Variants in EYS observed in about 807,000 individuals in gnomAD.
EYS encodes the protein protein eyes shut homolog.
In EYS, 250 loss-of-function variants were observed where a neutral mutation model predicts 282.1. The observed-to-expected ratio is 0.89, with a 90% CI of 0.80 to 0.98. EYS has a LOEUF of 0.98. Among genes scored for constraint, EYS ranks in the 50% least tolerant of loss-of-function variants. The pLI is 0.00. For missense variants in EYS, 4,016 were observed against 3,709.0 expected (o/e 1.08, Z -2.15); for synonymous variants, 1,355 against 1,282.9 (o/e 1.06, Z -1.20).
intron 26 of EYS, among the ~76,000 whole-genome samples, chr6:64,538,348 A>C (rs1173978979): frequency 1.3e-5 from 2 of 152,206 alleles, no homozygotes; most frequent in Non-Finnish European, 2.9e-5. Context: ...AACTTTTAAT[A>C]ACTTTGATTT....
At chr6:65,554,515 A>T (rs1162181016) in intron 2 of EYS, among the ~76,000 whole-genome samples, 3 of 151,658 alleles carry the variant, frequency 2.0e-5, no homozygotes, top group Non-Finnish European at 4.4e-5. Flanking sequence ...CTATATGTTC[A>T]CTCTATTACA....
At chr6:65,557,084 T>C (rs1414102724) in intron 2 of EYS, among the ~76,000 whole-genome samples, 1 of 152,198 alleles carries the variant, frequency 6.6e-6, no homozygotes, top group Non-Finnish European at 1.5e-5. Flanking sequence ...TTGTTGATAT[T>C]CCAAAGTAAA....
intron 28 of EYS, among the ~76,000 whole-genome samples, chr6:64,415,914 G>A (rs554742313): frequency 3.9e-5 from 6 of 152,172 alleles, no homozygotes; most frequent in Non-Finnish European, 8.8e-5. Flanking sequence ...AAAGCAAGCT[G>A]AAGTTTCTAA....
chr6:63,755,157 G>C (rs550928060), intron 41 of EYS, among the ~76,000 whole-genome samples: 2 of 152,262 alleles, frequency 1.3e-5, no homozygotes, highest in Admixed American at 1.3e-4. Context: ...TCACTCTGAT[G>C]ATAGTTTCTT....
intron 12 of EYS, among the ~76,000 whole-genome samples, chr6:65,184,009 T>C (rs1042946853): frequency 3.3e-5 from 5 of 149,426 alleles, no homozygotes; most frequent in Non-Finnish European, 7.4e-5. Flanking sequence ...AATTATATCA[T>C]TTGACTAAAG....
chr6:64,334,203 T>C (rs901361743), intron 29 of EYS, among the ~76,000 whole-genome samples: 2 of 152,172 alleles, frequency 1.3e-5, no homozygotes, highest in African/African-American at 4.8e-5. Context: ...ACCAATTAGA[T>C]GCTCCAACTG....
intron 35 of EYS, among the ~76,000 whole-genome samples, chr6:63,877,184 G>T (rs563388125): frequency 6.6e-6 from 1 of 152,224 alleles, no homozygotes; most frequent in Admixed American, 6.5e-5. Flanking sequence ...AAATCTCTCA[G>T]CATTTGCTTG....
intron 19 of EYS, among the ~76,000 whole-genome samples, chr6:64,861,789 C>T (rs1052264867): frequency 6.6e-6 from 1 of 152,162 alleles, no homozygotes; most frequent in African/African-American, 2.4e-5. Context: ...TACATCTTTG[C>T]TATTATTAAC....
intron 12 of EYS, among the ~76,000 whole-genome samples, chr6:65,274,899 C>CA (rs1187339138): frequency 1.1e-5 from 1 of 94,330 alleles, no homozygotes; most frequent in Non-Finnish European, 2.1e-5. Context: ...CTCCTACAGC[C>CA]AAAAAAAAAG....
chr6:64,944,880 A>G (rs1453059305), intron 15 of EYS, among the ~76,000 whole-genome samples: 1 of 152,126 alleles, frequency 6.6e-6, no homozygotes, highest in Non-Finnish European at 1.5e-5. Context: ...GGAGAGAAAC[A>G]TAAATCTGGC....
chr6:64,707,758 T>G (rs532360507), intron 22 of EYS, among the ~76,000 whole-genome samples: 58 of 151,640 alleles, frequency 3.8e-4, no homozygotes, highest in Non-Finnish European at 6.0e-4. Context: ...CACTTATTTA[T>G]GTAACCAAAT....
At chr6:64,376,452 G>C (rs1293182633) in intron 29 of EYS, among the ~76,000 whole-genome samples, 1 of 152,164 alleles carries the variant, frequency 6.6e-6, no homozygotes, top group Non-Finnish European at 1.5e-5. Flanking sequence ...AATAAAAGGA[G>C]GCTGAAGAAT....
At chr6:64,589,351 C>T (rs931450430) in intron 26 of EYS, among the ~76,000 whole-genome samples, 1 of 151,986 alleles carries the variant, frequency 6.6e-6, no homozygotes, top group Non-Finnish European at 1.5e-5. Context: ...AGCAAAAACA[C>T]ACAACCATAC....
chr6:65,620,024 T>C (rs1562293228), intron 2 of EYS, among the ~76,000 whole-genome samples: 1 of 152,142 alleles, frequency 6.6e-6, no homozygotes, highest in Non-Finnish European at 1.5e-5. Flanking sequence ...TCTTTTTATG[T>C]TGTGTCTCTG....
chr6:63,723,867 G>C (rs1768510056), intron 42 of EYS, among the ~76,000 whole-genome samples: 1 of 150,980 alleles, frequency 6.6e-6, no homozygotes, highest in Non-Finnish European at 1.5e-5. Context: ...TGTCCCCCAA[G>C]CTGGAGTGCA....
chr6:64,178,558 T>C (rs1764699941), intron 31 of EYS, among the ~76,000 whole-genome samples: 1 of 152,000 alleles, frequency 6.6e-6, no homozygotes, highest in South Asian at 2.1e-4. Flanking sequence ...TGATAGACTT[T>C]AGCACTGTGC....
At chr6:65,349,051 A>AT (rs1214235679) in intron 9 of EYS, among the ~76,000 whole-genome samples, 12 of 151,468 alleles carry the variant, frequency 7.9e-5, no homozygotes, top group South Asian at 2.1e-4. Flanking sequence ...AACAAGTCGA[A>AT]TTTTTTTTCA....
chr6:65,249,883 A>T (rs774579963), intron 12 of EYS, among the ~76,000 whole-genome samples: 22 of 152,162 alleles, frequency 1.4e-4, no homozygotes, highest in Non-Finnish European at 2.9e-4. Flanking sequence ...GCAGCAAAAA[A>T]GGTTAATAAC....
Position 64,591,942 on chromosome 6 carries a change from C to T in EYS, c.3925G>A (p.Gly1309Ser), listed in dbSNP as rs1469939219. 2 of 1,530,092 alleles carry T rather than the reference C, an allele frequency of 1.3e-6. No individual in the cohort carries two copies. The highest frequency in any genetic ancestry group is 2.8e-5 in the African/African-American group (2 of 72,358). The allele number at this position is 1,530,092 out of a possible 1,614,324, so 94.8% of individuals were successfully genotyped here. A position where few individuals can be genotyped will look rare whatever the true frequency, so the allele number is the denominator to read the frequency against. ...GTGCTAATTCTTAATGTTGCCAAAC[C>T]AGTGGTTGGGAGAATGTCGTGCTTG... ...IVKHDILPTT[G>S]LATLRISTPL... Residue 1309 changes from glycine (G) to serine (S), a missense_variant, in exon 26 of 43, where the codon GGT becomes AGT. Transcript: ENST00000503581.
Sources: allele counts gnomAD v4.1 joint callset (sites outside exome capture counted in the v4.1 genomes callset), GRCh38; gene constraint gnomAD v4.1.1; transcripts MANE v1.5; gene names NCBI Gene and HGNC (gene_info 2026-07-23, HGNC 2026-07-21).